PAK1: variants seen among roughly 807,000 people sequenced by gnomAD.
PAK1 encodes the protein serine/threonine-protein kinase PAK 1.
In PAK1, 29 loss-of-function variants were observed where a neutral mutation model predicts 67.4. That is an observed-to-expected ratio of 0.43 (90% CI 0.32 to 0.59). The LOEUF (loss-of-function observed/expected upper bound fraction) is 0.59, where lower values mean the gene tolerates loss of function less well. Ranked by LOEUF, PAK1 falls within the 20% of genes least tolerant of loss-of-function variation. The pLI is 0.07. For missense variants in PAK1, 337 were observed against 670.7 expected (o/e 0.50, Z 5.50); for synonymous variants, 223 against 237.4 (o/e 0.94, Z 0.56).
At chr11:77,498,326 A>C in the PAK1 span, among the ~76,000 whole-genome samples, 1 of 152,264 alleles carries the variant, frequency 6.6e-6, no homozygotes, top group African/African-American at 2.4e-5. Flanking sequence ...TTTAAAAACA[A>C]AACAAAAATT....
At chr11:77,417,883 C>T (rs563712057) in intron 1 of PAK1, among the ~76,000 whole-genome samples, 27 of 151,740 alleles carry the variant, frequency 1.8e-4, no homozygotes, top group African/African-American at 6.3e-4. Flanking sequence ...TACAGGTGCA[C>T]GCCACCACAC....
the PAK1 span, among the ~76,000 whole-genome samples, chr11:77,509,347 A>C: frequency 1.3e-5 from 2 of 152,230 alleles, no homozygotes; most frequent in Admixed American, 1.3e-4. Flanking sequence ...CCCCAAATTA[A>C]TAATTTTATA....
At chr11:77,436,426 T>C (rs1237134472) in intron 1 of PAK1, among the ~76,000 whole-genome samples, 2 of 152,132 alleles carry the variant, frequency 1.3e-5, no homozygotes, top group East Asian at 1.9e-4. Context: ...ATAGAAAAAA[T>C]CAGATCTAGT....
chr11:77,455,090 G>A (rs1224911802), intron 1 of PAK1, among the ~76,000 whole-genome samples: 1 of 152,180 alleles, frequency 6.6e-6, no homozygotes, highest in African/African-American at 2.4e-5. Flanking sequence ...AAGCCGGCTT[G>A]TGGATAAAGG....
chr11:77,485,620 C>T, the PAK1 span, among the ~76,000 whole-genome samples: 1 of 152,116 alleles, frequency 6.6e-6, no homozygotes. Context: ...AGATTACAGG[C>T]GTCTGCCACC....
intron 1 of PAK1, among the ~76,000 whole-genome samples, chr11:77,413,602 G>A (rs1035206113): frequency 1.2e-4 from 19 of 152,108 alleles, no homozygotes; most frequent in Admixed American, 1.1e-3. Flanking sequence ...AGAATCCCTT[G>A]AACCCAGGAG....
chr11:77,449,786 A>G (rs1956778101), intron 1 of PAK1, among the ~76,000 whole-genome samples: 1 of 151,550 alleles, frequency 6.6e-6, no homozygotes, highest in Admixed American at 6.6e-5. Context: ...CCCTCACCCC[A>G]ATTCCCCTAT....
chr11:77,463,368 A>T (rs897161353), intron 1 of PAK1, among the ~76,000 whole-genome samples: 6 of 152,200 alleles, frequency 3.9e-5, no homozygotes, highest in Admixed American at 1.3e-4. Context: ...TGTTTTATTT[A>T]AAAAAAATTT....
In PAK1 at chr11:77,474,037, G is replaced by C. The variant is rs991791894; in HGVS notation, c.-507C>G. On this transcript the variant is annotated 5_prime_UTR_variant, in exon 1 of 15. Coordinates refer to ENST00000356341, the MANE Select transcript of PAK1 (RefSeq NM_002576.5). ...CGTCTACTGTGCAGCCACCACCTTC[G>C]GCTCCGGCTGCAGCCGCGGGAGGGC... 1.3e-5 allele frequency: 2 copies of C among 152,064 alleles called. No individual in the cohort carries two copies. Among genetic ancestry groups the C allele is most frequent in the Non-Finnish European group, 2.9e-5 (2 of 68,054 alleles). The allele number at this position is 152,064 out of a possible 1,614,324, so 9.4% of individuals were successfully genotyped here.
intron 1 of PAK1, among the ~76,000 whole-genome samples, chr11:77,405,364 T>C (rs368403203): frequency 1.3e-5 from 2 of 152,124 alleles, no homozygotes; most frequent in Non-Finnish European, 2.9e-5. Flanking sequence ...CAGACCACTC[T>C]AGCAGCAGAG....
intron 1 of PAK1, among the ~76,000 whole-genome samples, chr11:77,393,288 AG>A (rs1565658648): frequency 0.031 from 1,056 of 34,020 alleles, 11 homozygotes; most frequent in African/African-American, 0.087. Flanking sequence ...AAAAAAAAAG[AG>A]AGAGAGAGAG....
chr11:77,342,735 G>A (rs1943801306), intron 10 of PAK1, among the ~76,000 whole-genome samples: 1 of 152,148 alleles, frequency 6.6e-6, no homozygotes, highest in Admixed American at 6.5e-5. Flanking sequence ...TGTTTTAGAT[G>A]CAGAACAAGA....
chr11:77,407,050 T>C lies in PAK1; in HGVS notation c.-21-14509A>G, dbSNP rs186650450. ...CTACTATATAATTATTATTATTTTT[T>C]TATATGATTATTTTTAAGCTTTATA... On this transcript the variant is annotated intron_variant, in intron 1 of 14. Coordinates refer to ENST00000356341, the MANE Select transcript of PAK1 (RefSeq NM_002576.5). Among the ~76,000 whole-genome samples, 197 of 152,292 alleles carry C rather than the reference T, an allele frequency of 1.3e-3. 2 individuals carry two copies. Among genetic ancestry groups the C allele is most frequent in the Middle Eastern group, 6.8e-3 (2 of 294 alleles).
intron 5 of PAK1, among the ~76,000 whole-genome samples, chr11:77,368,200 G>C (rs1947872334): frequency 1.3e-5 from 2 of 152,142 alleles, no homozygotes; most frequent in African/African-American, 2.4e-5. Flanking sequence ...TGGTGACAAA[G>C]ACGACCCTAC....
chr11:77,345,121 C>A (rs1944209357), intron 9 of PAK1, among the ~76,000 whole-genome samples: 1 of 152,146 alleles, frequency 6.6e-6, no homozygotes, highest in Non-Finnish European at 1.5e-5. Context: ...TCATATTTAT[C>A]CCTCTCTTAT....
rs183827153 is a variant in PAK1, at chr11:77,369,748, T to C, written c.477+4580A>G. On this transcript the variant is annotated intron_variant, in intron 5 of 14. Transcript: ENST00000356341. ...CAGGTGTGAGCACCGCACCCAGCCA[T>C]AAATTTATGTCTTATGTTTTTAATA... Among the ~76,000 whole-genome samples, 5 of 152,242 alleles carry C rather than the reference T, an allele frequency of 3.3e-5. 1 individual carries two copies. Among genetic ancestry groups the C allele is most frequent in the African/African-American group, 1.2e-4 (5 of 41,568 alleles).
intron 1 of PAK1, among the ~76,000 whole-genome samples, chr11:77,423,261 GA>G (rs1955369091): frequency 1.3e-5 from 2 of 149,072 alleles, no homozygotes; most frequent in African/African-American, 5.0e-5. Context: ...GATATGAAAG[GA>G]AGACTGAGAA....
chr11:77,488,711 T>G, the PAK1 span, among the ~76,000 whole-genome samples: 1 of 151,946 alleles, frequency 6.6e-6, no homozygotes, highest in Non-Finnish European at 1.5e-5. Flanking sequence ...AAAGAATTCA[T>G]GAGCTTGAAG....
At chr11:77,377,822 A>C (rs1326928820) in intron 4 of PAK1, among the ~76,000 whole-genome samples, 1 of 152,202 alleles carries the variant, frequency 6.6e-6, no homozygotes, top group African/African-American at 2.4e-5. Context: ...CACAAACTCT[A>C]ATTTCCTGAC....
Sources: gnomAD v4.1 joint callset for allele counts (sites outside exome capture counted in the v4.1 genomes callset) on GRCh38, gnomAD v4.1.1 for gene constraint, MANE v1.5 for transcripts, NCBI Gene and HGNC (gene_info 2026-07-23, HGNC 2026-07-21) for gene names.